Variants in KCTD12 observed in about 807,000 individuals in gnomAD.
The protein encoded by KCTD12 is potassium channel tetramerization domain containing 12.
In KCTD12, 16 loss-of-function variants were observed where a neutral mutation model predicts 22.6. The ratio of observed to expected loss-of-function variants is 0.71; its 90% CI spans 0.48 to 1.07. The LOEUF (loss-of-function observed/expected upper bound fraction) is 1.07, where lower values mean the gene tolerates loss of function less well. KCTD12 is among the 50% of genes least tolerant of loss of function. The probability of loss-of-function intolerance (pLI) is 0.00; values close to 1 mark genes in which losing one functional copy is unlikely to be tolerated. For synonymous variants in KCTD12, 260 were observed against 228.0 expected, an observed-to-expected ratio of 1.14 and a Z score of -1.26; for missense variants, 452 against 469.2, an observed-to-expected ratio of 0.96 and a Z score of 0.34.
In KCTD12 at chr13:76,882,418, A is replaced by G. The variant is rs1201853618; in HGVS notation, c.*2753T>C. The G allele has an allele frequency of 1.3e-5, 2 of 152,276 alleles. No homozygotes were observed. Among genetic ancestry groups the G allele is most frequent in the African/African-American group, 2.4e-5 (1 of 41,440 alleles). 9.4% of individuals were successfully genotyped at this position (152,276 alleles called of 1,614,324 possible). A position where few individuals can be genotyped will look rare whatever the true frequency, so the allele number is the denominator to read the frequency against. On this transcript the variant is annotated 3_prime_UTR_variant, in exon 1 of 1. Coordinates refer to ENST00000377474, the MANE Select transcript of KCTD12 (RefSeq NM_138444.4). Reference sequence around the variant, plus strand: ...ACAGGGTGCAGTGAATAAGATGCCTATGTACAAGACAGTGGAATAGTTCAC... The same window carrying G: ...ACAGGGTGCAGTGAATAAGATGCCTGTGTACAAGACAGTGGAATAGTTCAC...
Position 76,883,449 on chromosome 13 carries a change from A to G in KCTD12, c.*1722T>C, listed in dbSNP as rs1434154702. On this transcript the variant is annotated 3_prime_UTR_variant, in exon 1 of 1. Coordinates refer to ENST00000377474, the MANE Select transcript of KCTD12 (RefSeq NM_138444.4). ...CACAGCATGGAGCATGACGAGGTTT[A>G]TTTCCCTTCACTTATGGTTTACATA... 3.3e-5 allele frequency: 5 copies of G among 152,652 alleles called. No individual in the cohort carries two copies. Among genetic ancestry groups the G allele is most frequent in the Non-Finnish European group, 7.3e-5 (5 of 68,030 alleles). 9.5% of individuals were successfully genotyped at this position (152,652 alleles called of 1,614,324 possible). A position where few individuals can be genotyped will look rare whatever the true frequency, so the allele number is the denominator to read the frequency against.
At position 76,884,835 on chromosome 13, in the gene KCTD12, C is replaced by T. The variant is rs563446273; in HGVS notation, c.*336G>A. 1.0e-5 allele frequency: 3 copies of T among 297,616 alleles called. No homozygotes were observed. The highest frequency in any genetic ancestry group is 1.9e-5 in the Non-Finnish European group (3 of 156,006). 18.4% of individuals were successfully genotyped at this position (297,616 alleles called of 1,614,324 possible). On this transcript the variant is annotated 3_prime_UTR_variant, in exon 1 of 1. Transcript: ENST00000377474. ...AATCATCCCCCGGTCTGTGGCCACA[C>T]TCCCCCAATAGATCCAAACTGAAGT...
Position 76,885,523 on chromosome 13 carries a change from T to C in KCTD12, c.626A>G (p.Tyr209Cys). The stretch of plus-strand genomic sequence containing the variant: ...GGAGCCGCGGTAGCCGATGGTGATG[T>C]AGCCCGAGCGCCGGCTGCCGTCCAG... ...QSLDGSRRSG[Y>C]ITIGYRGSYT... Residue 209 changes from tyrosine to cysteine, a missense_variant, in exon 1 of 1, where the codon TAC becomes TGC. Tyr to Cys is a radical substitution (Grantham distance 194). This residue lies in a region of KCTD12 where 122 missense variants were observed against 172.8 expected (regional missense o/e 0.71). Coordinates refer to ENST00000377474, the MANE Select transcript of KCTD12 (RefSeq NM_138444.4). This position sits in a 1 kb window ranked among gnomAD's most constrained non-coding sequence, Gnocchi z 5.1. 1 of 1,589,054 alleles carries C rather than the reference T, an allele frequency of 6.3e-7. No homozygotes were observed. The highest frequency in any genetic ancestry group is 8.5e-7 in the Non-Finnish European group (1 of 1,171,062).
At position 76,882,574 on chromosome 13, in the gene KCTD12, A is replaced by AC. The variant is rs1555308683; in HGVS notation, c.*2596_*2597insG. 6.6e-6 allele frequency: 1 copy of AC among 152,230 alleles called. No individual in the cohort carries two copies. The highest frequency in any genetic ancestry group is 2.4e-5 in the African/African-American group (1 of 41,468). The allele number at this position is 152,230 out of a possible 1,614,324, so 9.4% of individuals were successfully genotyped here. On this transcript the variant is annotated 3_prime_UTR_variant, in exon 1 of 1. Coordinates refer to ENST00000377474, the MANE Select transcript of KCTD12 (RefSeq NM_138444.4). Reference sequence around the variant, plus strand: ...GAATCGCCGAGCCTTGCCATCTGTCAGTGGTTTTGGTCTGTCCCAAGATGT... The same window carrying AC: ...GAATCGCCGAGCCTTGCCATCTGTCACGTGGTTTTGGTCTGTCCCAAGATGT...
chr13:76,885,132 A>G lies in KCTD12; in HGVS notation c.*39T>C. 6.3e-7 allele frequency: 1 copy of G among 1,587,926 alleles called. No individual in the cohort carries two copies. Among genetic ancestry groups the G allele is most frequent in the Non-Finnish European group, 8.6e-7 (1 of 1,165,088 alleles). On this transcript the variant is annotated 3_prime_UTR_variant, in exon 1 of 1. Transcript: ENST00000377474. The surrounding 1 kb of genome is among the most constrained non-coding windows in gnomAD (Gnocchi z 5.1). ...TCTGTAATCATCTCTCGGGCAGGAG[A>G]AGGACTGGGCGCTGGAGTGGCGAGG... is the stretch of plus-strand genomic sequence containing the variant.
In KCTD12 at chr13:76,886,390, C is replaced by A; in HGVS notation, c.-242G>T. The stretch of plus-strand genomic sequence containing the variant: ...CAGTGCGCTCCGCCCGCCTTGCCCG[C>A]GCGCTCCAGGCGAGTGCCGGGTCGC... On this transcript the variant is annotated 5_prime_UTR_variant, in exon 1 of 1. Transcript: ENST00000377474. The A allele has an allele frequency of 3.8e-6, 1 of 264,800 alleles. No homozygotes were observed. Among genetic ancestry groups the A allele is most frequent in the Non-Finnish European group, 6.7e-6 (1 of 150,334 alleles). The allele number at this position is 264,800 out of a possible 1,614,324, so 16.4% of individuals were successfully genotyped here. A position where few individuals can be genotyped will look rare whatever the true frequency, so the allele number is the denominator to read the frequency against.
chr13:76,886,284 C>CGCCACTGCCGCCACT lies in KCTD12; in HGVS notation c.-137_-136insAGTGGCGGCAGTGGC. ...CCGCCGCCGCCGCCGCCGCCACCGCCGCCACCGCCACCGCCGCCACCTCCT... is the reference window on the plus strand; with the variant it reads ...CCGCCGCCGCCGCCGCCGCCACCGCCGCCACTGCCGCCACTGCCACCGCCACCGCCGCCACCTCCT... On this transcript the variant is annotated 5_prime_UTR_variant, in exon 1 of 1. Transcript: ENST00000377474. 1 of 1,044,154 alleles carries CGCCACTGCCGCCACT rather than the reference C, an allele frequency of 9.6e-7. No individual in the cohort carries two copies. Among genetic ancestry groups the CGCCACTGCCGCCACT allele is most frequent in the Non-Finnish European group, 1.2e-6 (1 of 802,682 alleles). The allele number at this position is 1,044,154 out of a possible 1,614,324, so 64.7% of individuals were successfully genotyped here.
In KCTD12 at chr13:76,885,403, A is replaced by G. The variant is rs1427610928; in HGVS notation, c.746T>C (p.Phe249Ser). The change falls in exon 1 of 1, where the codon TTT becomes TCT. Residue 249 changes from phenylalanine to serine, a missense_variant. Physicochemically the swap from Phe to Ser is radical, Grantham distance 155 (BLOSUM62 -2). Transcript: ENST00000377474. This position sits in a 1 kb window ranked among gnomAD's most constrained non-coding sequence, Gnocchi z 5.1. ...CGKTSLAKEV[F>S]GDTLNESRDP... ...CCGGCTTTCGTTCAGGGTGTCCCCA[A>G]ACACCTCCTTGGCCAGCGACGTCTT... 8 of 1,613,588 alleles carry G rather than the reference A, an allele frequency of 5.0e-6. No homozygotes were observed. The highest frequency in any genetic ancestry group is 1.7e-5 in the Admixed American group (1 of 60,008).
rs57241383 is a variant in KCTD12, at chr13:76,886,285, GCCA to G, written c.-140_-138del. ...CGCCGCCGCCGCCGCCGCCACCGCC[GCCA>G]CCGCCACCGCCGCCACCTCCTAGAG... On this transcript the variant is annotated 5_prime_UTR_variant, in exon 1 of 1. Transcript: ENST00000377474. 2.6e-5 allele frequency: 26 copies of G among 1,015,718 alleles called. No homozygotes were observed. Among genetic ancestry groups the G allele is most frequent in the African/African-American group, 3.6e-5 (2 of 55,286 alleles). 62.9% of individuals were successfully genotyped at this position (1,015,718 alleles called of 1,614,324 possible). A position where few individuals can be genotyped will look rare whatever the true frequency, so the allele number is the denominator to read the frequency against.
rs1032786990 is a variant in KCTD12, at chr13:76,881,845, T to A, written c.*3326A>T. ...ACAGAACCTGGTACCTGTTTTTTTT[T>A]TTTTTTTAACCACCATTGTCTACAC... On this transcript the variant is annotated 3_prime_UTR_variant, in exon 1 of 1. Coordinates refer to ENST00000377474, the MANE Select transcript of KCTD12 (RefSeq NM_138444.4). 5.3e-5 allele frequency: 8 copies of A among 151,934 alleles called. No individual in the cohort carries two copies. The highest frequency in any genetic ancestry group is 1.9e-4 in the African/African-American group (8 of 41,408). The allele number at this position is 151,934 out of a possible 1,614,324, so 9.4% of individuals were successfully genotyped here.
Position 76,881,269 on chromosome 13 carries a change from T to C in KCTD12, c.*3902A>G, listed in dbSNP as rs997130640. 6.6e-6 allele frequency: 1 copy of C among 152,322 alleles called. No homozygotes were observed. Among genetic ancestry groups the C allele is most frequent in the African/African-American group, 2.4e-5 (1 of 41,464 alleles). The allele number at this position is 152,322 out of a possible 1,614,324, so 9.4% of individuals were successfully genotyped here. ...TTTAAAAACTAAATTGAGTAAAGTATTTGTGATTTAGACTATAAAATAAAT... is the reference window on the plus strand; with the variant it reads ...TTTAAAAACTAAATTGAGTAAAGTACTTGTGATTTAGACTATAAAATAAAT... On this transcript the variant is annotated 3_prime_UTR_variant, in exon 1 of 1. Coordinates refer to ENST00000377474, the MANE Select transcript of KCTD12 (RefSeq NM_138444.4).
rs867900569 is a variant in KCTD12, at chr13:76,885,445, C to A, written c.704G>T (p.Arg235Leu). Residue 235 changes from arginine (R) to leucine (L), a missense_variant, in exon 1 of 1, where the codon CGC becomes CTC. By Grantham distance (102) the Arg-to-Leu change is moderately radical. Around this residue, in one of 2 missense-constraint regions of KCTD12, gnomAD observed 122 missense variants for 172.8 expected, o/e 0.71. Coordinates refer to ENST00000377474, the MANE Select transcript of KCTD12 (RefSeq NM_138444.4). The surrounding 1 kb of genome is among the most constrained non-coding windows in gnomAD (Gnocchi z 5.1). ...QADAKFRRVA[R>L]ITVCGKTSLA... ...CGACGTCTTTCCGCAAACGGTGATG[C>A]GCGCCACTCGCCGGAACTTGGCGTC... The A allele has an allele frequency of 6.2e-7, 1 of 1,611,446 alleles. No individual in the cohort carries two copies. The highest frequency in any genetic ancestry group is 1.3e-5 in the African/African-American group (1 of 75,044).
chr13:76,886,118 G>A lies in KCTD12; in HGVS notation c.31C>T (p.Pro11Ser), dbSNP rs1458650161. The change falls in exon 1 of 1, where the codon CCC (proline) becomes TCC (serine). Residue 11 changes from proline to serine, a missense_variant. Pro to Ser is a moderately conservative substitution (Grantham distance 74, BLOSUM62 -1). Around this residue, in one of 2 missense-constraint regions of KCTD12, gnomAD observed 330 missense variants for 296.5 expected, o/e 1.11. Transcript: ENST00000377474. ...CCGCCCCCGCCGCCGCCCCCGTTGG[G>A]TAATCCACGTGTGCTGTCCGCCAGA... MALADSTRGL[P>S]NGGGGGGGSG... The A allele has an allele frequency of 2.0e-6, 3 of 1,535,470 alleles. No homozygotes were observed. The African/African-American group carries it at 4.1e-5, about 21-fold the overall frequency.
At position 76,884,843 on chromosome 13, in the gene KCTD12, A is replaced by C; in HGVS notation, c.*328T>G. ...CCCGGTCTGTGGCCACACTCCCCCA[A>C]TAGATCCAAACTGAAGTACCATCTG... On this transcript the variant is annotated 3_prime_UTR_variant, in exon 1 of 1. Coordinates refer to ENST00000377474, the MANE Select transcript of KCTD12 (RefSeq NM_138444.4). The C allele has an allele frequency of 3.2e-6, 1 of 309,420 alleles. No individual in the cohort carries two copies. The highest frequency in any genetic ancestry group is 6.1e-6 in the Non-Finnish European group (1 of 162,754). The allele number at this position is 309,420 out of a possible 1,614,324, so 19.2% of individuals were successfully genotyped here. A position where few individuals can be genotyped will look rare whatever the true frequency, so the allele number is the denominator to read the frequency against.
At position 76,886,304 on chromosome 13, in the gene KCTD12, C is replaced by A; in HGVS notation, c.-156G>T. On this transcript the variant is annotated 5_prime_UTR_variant, in exon 1 of 1. Transcript: ENST00000377474. ...ACCGCCGCCACCGCCACCGCCGCCACCTCCTAGAGCCGCGCGGAGCCGAGC... is the reference window on the plus strand; with the variant it reads ...ACCGCCGCCACCGCCACCGCCGCCAACTCCTAGAGCCGCGCGGAGCCGAGC... 1.1e-6 allele frequency: 1 copy of A among 872,166 alleles called. No individual in the cohort carries two copies. Among genetic ancestry groups the A allele is most frequent in the Non-Finnish European group, 1.5e-6 (1 of 657,166 alleles). 54.0% of individuals were successfully genotyped at this position (872,166 alleles called of 1,614,324 possible).
At position 76,883,407 on chromosome 13, in the gene KCTD12, A is replaced by C. The variant is rs1251839141; in HGVS notation, c.*1764T>G. 1 of 152,696 alleles carries C rather than the reference A, an allele frequency of 6.5e-6. No homozygotes were observed. Among genetic ancestry groups the C allele is most frequent in the East Asian group, 1.9e-4 (1 of 5,204 alleles). 9.5% of individuals were successfully genotyped at this position (152,696 alleles called of 1,614,324 possible). A position where few individuals can be genotyped will look rare whatever the true frequency, so the allele number is the denominator to read the frequency against. ...AAATAGGCTTCTCTGTCATCACAGAATATCCAAAGGACACCTCACAGCATG... is the reference window on the plus strand; with the variant it reads ...AAATAGGCTTCTCTGTCATCACAGACTATCCAAAGGACACCTCACAGCATG... On this transcript the variant is annotated 3_prime_UTR_variant, in exon 1 of 1. Coordinates refer to ENST00000377474, the MANE Select transcript of KCTD12 (RefSeq NM_138444.4).
Position 76,884,941 on chromosome 13 carries a change from TG to T in KCTD12, c.*229del, listed in dbSNP as rs2033245452. 9 of 522,300 alleles carry T rather than the reference TG, an allele frequency of 1.7e-5. No individual in the cohort carries two copies. Among genetic ancestry groups the T allele is most frequent in the Non-Finnish European group, 2.7e-5 (8 of 294,234 alleles). 32.4% of individuals were successfully genotyped at this position (522,300 alleles called of 1,614,324 possible). ...GGTGGGGGTGGGGTGGGGGTTCCTC[TG>T]GGTTCTCTCGGTTCAGGAGGTCCAA... On this transcript the variant is annotated 3_prime_UTR_variant, in exon 1 of 1. Coordinates refer to ENST00000377474, the MANE Select transcript of KCTD12 (RefSeq NM_138444.4).
In KCTD12 at chr13:76,884,134, C is replaced by CT. The variant is rs1372292147; in HGVS notation, c.*1036dup. 2 of 151,744 alleles carry CT rather than the reference C, an allele frequency of 1.3e-5. No homozygotes were observed. Among genetic ancestry groups the CT allele is most frequent in the Non-Finnish European group, 2.9e-5 (2 of 68,028 alleles). 9.4% of individuals were successfully genotyped at this position (151,744 alleles called of 1,614,324 possible). On this transcript the variant is annotated 3_prime_UTR_variant, in exon 1 of 1. Transcript: ENST00000377474. ...CATAAATGACTATGTCTGCTTCTCC[C>CT]TTCCCACCCTTCCTACCCTTTCCTC...
In KCTD12 at chr13:76,881,268, A is replaced by G. The variant is rs2033199418; in HGVS notation, c.*3903T>C. ...TTTTAAAAACTAAATTGAGTAAAGT[A>G]TTTGTGATTTAGACTATAAAATAAA... On this transcript the variant is annotated 3_prime_UTR_variant, in exon 1 of 1. Transcript: ENST00000377474. 6.6e-6 allele frequency: 1 copy of G among 152,344 alleles called. No homozygotes were observed. Among genetic ancestry groups the G allele is most frequent in the Non-Finnish European group, 1.5e-5 (1 of 68,000 alleles). 9.4% of individuals were successfully genotyped at this position (152,344 alleles called of 1,614,324 possible).
Sources: allele counts gnomAD v4.1 joint callset, GRCh38; gene constraint gnomAD v4.1.1; regional missense constraint gnomAD v4.1.1; non-coding constraint Gnocchi (gnomAD v3.1); transcripts MANE v1.5; gene names NCBI Gene and HGNC (gene_info 2026-07-23, HGNC 2026-07-21).